GRID2: variants seen among roughly 807,000 people sequenced by gnomAD.
The protein encoded by GRID2 is glutamate receptor ionotropic, delta-2.
A neutral mutation model predicts 114.8 loss-of-function variants in GRID2; 33 were observed. That is an observed-to-expected ratio of 0.29 (90% CI 0.22 to 0.38). The LOEUF is 0.38. GRID2 is among the 10% of genes least tolerant of loss of function. The probability of loss-of-function intolerance (pLI) is 1.00; values close to 1 mark genes in which losing one functional copy is unlikely to be tolerated. For synonymous variants in GRID2, 505 were observed against 449.9 expected, an observed-to-expected ratio of 1.12 and a Z score of -1.55; for missense variants, 1,184 against 1,257.7, an observed-to-expected ratio of 0.94 and a Z score of 0.89.
At chr4:92,481,726 C>A (rs1279136280) in intron 1 of GRID2, among the ~76,000 whole-genome samples, 1 of 151,396 alleles carries the variant, frequency 6.6e-6, no homozygotes, top group Non-Finnish European at 1.5e-5. Context: ...TGTTATTTTT[C>A]CAATTATTTA....
intron 8 of GRID2, among the ~76,000 whole-genome samples, chr4:93,351,722 T>G (rs893166400): frequency 3.3e-5 from 5 of 151,672 alleles, no homozygotes; most frequent in African/African-American, 1.2e-4. Context: ...AATGTTATTA[T>G]GTGAATATTT....
chr4:92,475,387 G>C (rs1192880094), intron 1 of GRID2, among the ~76,000 whole-genome samples: 1 of 151,120 alleles, frequency 6.6e-6, no homozygotes, highest in Non-Finnish European at 1.5e-5. Flanking sequence ...TCTTCTGCTT[G>C]TGGGTTTCCA....
chr4:92,703,675 A>T (rs1279417364), intron 2 of GRID2, among the ~76,000 whole-genome samples: 1 of 150,138 alleles, frequency 6.7e-6, no homozygotes, highest in Admixed American at 6.7e-5. Context: ...AAATTAATGT[A>T]TGTAAATTAC....
intron 2 of GRID2, among the ~76,000 whole-genome samples, chr4:92,986,271 T>C (rs1385391581): frequency 2.0e-5 from 3 of 152,128 alleles, no homozygotes; most frequent in Non-Finnish European, 4.4e-5. Flanking sequence ...CATCTGAAAG[T>C]GAGAAACTCT....
intron 1 of GRID2, among the ~76,000 whole-genome samples, chr4:92,506,665 C>A: frequency 6.6e-6 from 1 of 151,804 alleles, no homozygotes; most frequent in East Asian, 1.9e-4. Flanking sequence ...TATCCCTTAC[C>A]TATATACGAT....
chr4:92,599,028 C>CTTTTTTTTTTT, intron 2 of GRID2, among the ~76,000 whole-genome samples: 1 of 115,276 alleles, frequency 8.7e-6, no homozygotes, highest in South Asian at 2.8e-4. Context: ...AATGCTTTTC[C>CTTTTTTTTTTT]TTTTTTTTTT....
At chr4:93,498,694 C>T (rs1727802908) in intron 12 of GRID2, among the ~76,000 whole-genome samples, 2 of 151,706 alleles carry the variant, frequency 1.3e-5, no homozygotes, top group Non-Finnish European at 1.5e-5. Flanking sequence ...TTGGATTTTT[C>T]TAGGTATAGC....
intron 1 of GRID2, among the ~76,000 whole-genome samples, chr4:92,458,961 A>T (rs1196643690): frequency 2.0e-5 from 3 of 152,178 alleles, no homozygotes; most frequent in African/African-American, 7.2e-5. Flanking sequence ...GATGAATGCA[A>T]GTTGGTTTAA....
intron 14 of GRID2, among the ~76,000 whole-genome samples, chr4:93,765,746 A>G (rs2110325437): frequency 6.6e-6 from 1 of 151,966 alleles, no homozygotes; most frequent in African/African-American, 2.4e-5. Flanking sequence ...CCCAAATACC[A>G]CTGAGAAGAA....
At chr4:93,786,937 G>A (rs778470448) in intron 1 of GRID2, among the ~76,000 whole-genome samples, 2 of 152,094 alleles carry the variant, frequency 1.3e-5, no homozygotes, top group East Asian at 1.9e-4. Flanking sequence ...CAATTTTAAC[G>A]GGGTGTCCCA....
intron 4 of GRID2, among the ~76,000 whole-genome samples, chr4:93,189,857 T>G (rs1164227757): frequency 1.3e-5 from 2 of 151,872 alleles, no homozygotes; most frequent in Non-Finnish European, 2.9e-5. Flanking sequence ...GAGTAAGATT[T>G]TTTTGTTTCT....
intron 2 of GRID2, among the ~76,000 whole-genome samples, chr4:93,047,189 G>A (rs1726228069): frequency 6.6e-6 from 1 of 152,054 alleles, no homozygotes; most frequent in Non-Finnish European, 1.5e-5. Flanking sequence ...AATAAGGAAT[G>A]TGTGGGAAAC....
At chr4:93,625,978 A>G (rs752045044) in intron 13 of GRID2, among the ~76,000 whole-genome samples, 8 of 152,184 alleles carry the variant, frequency 5.3e-5, no homozygotes, top group Non-Finnish European at 1.0e-4. Context: ...GCATATGTAC[A>G]TTGTATTAGG....
intron 8 of GRID2, among the ~76,000 whole-genome samples, chr4:93,361,189 C>T (rs988540915): frequency 1.3e-4 from 20 of 151,786 alleles, no homozygotes; most frequent in African/African-American, 4.8e-4. Flanking sequence ...GATTATCATC[C>T]CATTTACTGA....
chr4:92,724,599 G>A (rs1431109743), intron 2 of GRID2, among the ~76,000 whole-genome samples: 1 of 152,022 alleles, frequency 6.6e-6, no homozygotes, highest in African/African-American at 2.4e-5. Flanking sequence ...GTATTTCTTT[G>A]ACTATAGTCA....
intron 8 of GRID2, among the ~76,000 whole-genome samples, chr4:93,290,123 C>A (rs555798122): frequency 6.6e-6 from 1 of 152,162 alleles, no homozygotes; most frequent in Admixed American, 6.5e-5. Flanking sequence ...GGTTTAAAAT[C>A]TGGCAAAACT....
At chr4:93,292,871 T>C (rs1753892896) in intron 8 of GRID2, among the ~76,000 whole-genome samples, 1 of 152,202 alleles carries the variant, frequency 6.6e-6, no homozygotes, top group Admixed American at 6.5e-5. Flanking sequence ...CTCTTAGAAC[T>C]GTATAAATAC....
chr4:93,103,462 A>G (rs1003779863), intron 3 of GRID2, among the ~76,000 whole-genome samples: 3 of 152,078 alleles, frequency 2.0e-5, no homozygotes, highest in African/African-American at 7.2e-5. Flanking sequence ...AAGGGAAAGT[A>G]TTTATGTGTT....
intron 14 of GRID2, among the ~76,000 whole-genome samples, chr4:93,668,313 C>A (rs1262341093): frequency 2.0e-5 from 3 of 151,878 alleles, no homozygotes; most frequent in Non-Finnish European, 4.4e-5. Context: ...ATGTATATAA[C>A]CGTTTTCTCC....
Sources: allele counts gnomAD v4.1 joint callset (sites outside exome capture counted in the v4.1 genomes callset), GRCh38; gene constraint gnomAD v4.1.1; transcripts MANE v1.5; gene names NCBI Gene and HGNC (gene_info 2026-07-23, HGNC 2026-07-21).